COL18A1: variants seen among roughly 807,000 people sequenced by gnomAD.
COL18A1 encodes the protein collagen type XVIII alpha 1 chain.
Under a neutral mutation model 168.0 loss-of-function variants are expected in COL18A1, and 133 were observed. The observed-to-expected ratio is 0.79, with a 90% confidence interval of 0.69 to 0.91. COL18A1 has a LOEUF of 0.91. COL18A1 is among the 40% of genes least tolerant of loss of function. The probability of loss-of-function intolerance (pLI) is 0.00; values close to 1 mark genes in which losing one functional copy is unlikely to be tolerated. For missense variants in COL18A1, 2,126 were observed against 1,925.4 expected (o/e 1.10, Z -1.95); for synonymous variants, 949 against 809.0 (o/e 1.17, Z -2.94).
intron 2 of COL18A1, among the ~76,000 whole-genome samples, chr21:45,465,157 T>C (rs1038188873): frequency 2.0e-5 from 3 of 152,340 alleles, no homozygotes; most frequent in African/African-American, 7.2e-5. Flanking sequence ...TGCTTCTCTG[T>C]ATAACAGATG....
intron 2 of COL18A1, among the ~76,000 whole-genome samples, chr21:45,419,203 C>G (rs1835189661): frequency 1.3e-5 from 2 of 152,176 alleles, no homozygotes; most frequent in African/African-American, 4.8e-5. Context: ...TAAGGCGATG[C>G]CGTGTGTGGT....
rs1568957369 is a variant in COL18A1 at position 45,512,304 on chromosome 21, T to A, written c.3926T>A (p.Leu1309Gln). 1.2e-6 allele frequency: 2 copies of A among 1,612,376 alleles called. No individual in the cohort carries two copies. The highest frequency in any genetic ancestry group is 3.3e-5 in the Admixed American group (2 of 59,980). The stretch of plus-strand genomic sequence containing the variant: ...GCCACGGGCCAGGCCTCCTCGCTGC[T>A]GGGGGGCAGGCTCCTGGGGCAGAGT... Reference protein sequence around the residue: ...PSATGQASSLLGGRLLGQSAA... With the variant: ...PSATGQASSLQGGRLLGQSAA... The change falls in exon 42 of 42, where the codon CTG becomes CAG. Residue 1309 changes from leucine to glutamine, a missense_variant. By Grantham distance (113) the Leu-to-Gln change is moderately radical. Transcript: ENST00000651438.
intron 2 of COL18A1, among the ~76,000 whole-genome samples, chr21:45,449,082 G>A (rs1026921655): frequency 4.6e-5 from 7 of 152,130 alleles, no homozygotes; most frequent in African/African-American, 1.7e-4. Flanking sequence ...TCTTTTCCCT[G>A]CGGCGCTTTG....
chr21:45,439,688 G>C (rs1233849326), intron 2 of COL18A1, among the ~76,000 whole-genome samples: 1 of 152,228 alleles, frequency 6.6e-6, no homozygotes, highest in Non-Finnish European at 1.5e-5. Context: ...AGCGTGTTTT[G>C]CCCGGAGCTG....
At chr21:45,483,850 G>A (rs1241041610) in intron 15 of COL18A1, among the ~76,000 whole-genome samples, 2 of 152,022 alleles carry the variant, frequency 1.3e-5, no homozygotes, top group Non-Finnish European at 1.5e-5. Context: ...GGCTGGGAGT[G>A]AATGCATGTG....
chr21:45,463,576 AT>A lies in COL18A1; in HGVS notation c.107-4662del, dbSNP rs1465166001. ...CCATTTACCAGAGTACTCCAGAATC[AT>A]TTTCAAACACGTTTCTTTCTGTCAA... On this transcript the variant is annotated intron_variant, in intron 2 of 41. Transcript: ENST00000651438. The surrounding 1 kb of genome is among the most constrained non-coding windows in gnomAD (Gnocchi z 4.0). Among the ~76,000 whole-genome samples the A allele has an allele frequency of 2.0e-5, 3 of 152,130 alleles. No individual in the cohort carries two copies. Among genetic ancestry groups the A allele is most frequent in the Non-Finnish European group, 4.4e-5 (3 of 68,022 alleles).
chr21:45,418,294 C>T lies in COL18A1; in HGVS notation c.106+12821C>T, dbSNP rs560178409. Among the ~76,000 whole-genome samples the T allele has an allele frequency of 9.8e-5, 15 of 152,302 alleles. No homozygotes were observed. In the East Asian group the frequency reaches 2.3e-3, roughly 24 times the overall value. On this transcript the variant is annotated intron_variant, in intron 2 of 41. Coordinates refer to ENST00000651438, the MANE Select transcript of COL18A1 (RefSeq NM_001379500.1). ...CCGGCTGCCGAAGTGGTAGGGTGGG[C>T]GTGCCCTTCCCACGCCTGCCCGCCA... is the stretch of plus-strand genomic sequence containing the variant.
intron 2 of COL18A1, among the ~76,000 whole-genome samples, chr21:45,447,207 A>G (rs1217088038): frequency 2.0e-5 from 3 of 150,734 alleles, no homozygotes; most frequent in Non-Finnish European, 4.4e-5. Flanking sequence ...ATATATATAT[A>G]TATCATATAT....
chr21:45,413,855 T>C (rs545934268), intron 2 of COL18A1, among the ~76,000 whole-genome samples: 1 of 152,100 alleles, frequency 6.6e-6, no homozygotes, highest in African/African-American at 2.4e-5. Context: ...ATTCCCTAGG[T>C]GTGGGATTGG....
intron 2 of COL18A1, among the ~76,000 whole-genome samples, chr21:45,412,763 G>A (rs1486706141): frequency 1.3e-5 from 2 of 152,224 alleles, no homozygotes; most frequent in Admixed American, 6.5e-5. Flanking sequence ...CTGTGGGGAG[G>A]CCACGTGGCA....
In COL18A1 at chr21:45,476,615, T is replaced by A. The variant is rs2145920133; in HGVS notation, c.928+135T>A. ...GTGGTGTATATGGTACATGTGTGTG[T>A]GATATGGCACGTGTTTGTGTGAAAT... On this transcript the variant is annotated intron_variant, in intron 6 of 41. Transcript: ENST00000651438. The A allele has an allele frequency of 2.7e-6, 3 of 1,126,740 alleles. No individual in the cohort carries two copies. In the South Asian group the frequency reaches 4.0e-5, roughly 15 times the overall value. The allele number at this position is 1,126,740 out of a possible 1,614,324, so 69.8% of individuals were successfully genotyped here. A position where few individuals can be genotyped will look rare whatever the true frequency, so the allele number is the denominator to read the frequency against.
In COL18A1 at chr21:45,505,063, C is replaced by T. The variant is rs13048249; in HGVS notation, c.2869-71C>T. ...GCCAAGGGGGTCTTGGCAGCTGCAG[C>T]CCCACAAGCTTGCCCGCCCCCAGTC... On this transcript the variant is annotated intron_variant, in intron 34 of 41. Coordinates refer to ENST00000651438, the MANE Select transcript of COL18A1 (RefSeq NM_001379500.1). 0.092 allele frequency: 144,195 copies of T among 1,561,424 alleles called. 7,280 individuals carry two copies. The highest frequency in any genetic ancestry group is 0.17 in the African/African-American group (12,625 of 73,870).
rs763715232 is a variant in COL18A1 at position 45,495,341 on chromosome 21, C to A, written c.2434-17C>A. 7.4e-5 allele frequency: 119 copies of A among 1,598,968 alleles called. No homozygotes were observed. Among genetic ancestry groups the A allele is most frequent in the South Asian group, 1.6e-4 (14 of 89,214 alleles). The stretch of plus-strand genomic sequence containing the variant: ...CATCAGTGCCCAGCAGTCCCCACCC[C>A]CTGTGCTCCGCCCCAGGGTCGCCCC... On this transcript the variant is annotated splice_polypyrimidine_tract_variant and intron_variant, in intron 28 of 41. Coordinates refer to ENST00000651438, the MANE Select transcript of COL18A1 (RefSeq NM_001379500.1).
At chr21:45,483,631 G>T (rs1435224595) in intron 15 of COL18A1, among the ~76,000 whole-genome samples, 2 of 152,168 alleles carry the variant, frequency 1.3e-5, no homozygotes, top group Admixed American at 6.5e-5. Context: ...CCAGGCTTCC[G>T]TGGGCCGCCC....
intron 38 of COL18A1, 98 bp from the exon 39 acceptor site, chr21:45,509,258 A>AGCCCAGCCCCTCTC (rs1454652427): frequency 6.7e-7 from 1 of 1,489,238 alleles, no homozygotes; most frequent in Non-Finnish European, 9.0e-7. Context: ...GCCAGTTCAG[A>AGCCCAGCCCCTCTC]GCCCAGCCCC....
chr21:45,467,196 C>G (rs1264755264), intron 2 of COL18A1: 1 of 971,584 alleles, frequency 1.0e-6, no homozygotes, highest in East Asian at 1.1e-4. Flanking sequence ...TGCTGCCCCC[C>G]TCCCGTGGGC....
intron 2 of COL18A1, among the ~76,000 whole-genome samples, chr21:45,462,445 C>T (rs951948346): frequency 1.3e-5 from 2 of 152,094 alleles, no homozygotes; most frequent in African/African-American, 4.8e-5. Context: ...GCTCTTTTCA[C>T]CTTTCTTTCA....
At chr21:45,427,071 C>T (rs1036783490) in intron 2 of COL18A1, among the ~76,000 whole-genome samples, 3 of 152,214 alleles carry the variant, frequency 2.0e-5, no homozygotes, top group Admixed American at 1.3e-4. Context: ...GATGTCTGTG[C>T]GTTTGCTTTC....
At chr21:45,465,192 C>T (rs2035159272) in intron 2 of COL18A1, among the ~76,000 whole-genome samples, 1 of 152,328 alleles carries the variant, frequency 6.6e-6, no homozygotes, top group African/African-American at 2.4e-5. Context: ...TGCTCAGCCC[C>T]GACTGGCGGG....
Sources: allele counts gnomAD v4.1 joint callset (sites outside exome capture counted in the v4.1 genomes callset), GRCh38; gene constraint gnomAD v4.1.1; non-coding constraint Gnocchi (gnomAD v3.1); transcripts MANE v1.5; gene names NCBI Gene and HGNC (gene_info 2026-07-23, HGNC 2026-07-21).